The following MAGI2 variants were observed in gnomAD, a reference collection of about 807,000 sequenced individuals.
MAGI2 encodes membrane associated guanylate kinase, WW and PDZ domain containing 2.
Under a neutral mutation model 133.3 loss-of-function variants are expected in MAGI2, and 35 were observed. The ratio of observed to expected loss-of-function variants is 0.26; its 90% CI spans 0.20 to 0.35. The LOEUF is 0.35. MAGI2 is among the 10% of genes least tolerant of loss of function. The pLI is 1.00. For synonymous variants in MAGI2, 729 were observed against 710.6 expected (o/e 1.03, Z -0.41); for missense variants, 1,636 against 1,863.4 (o/e 0.88, Z 2.25).
At chr7:79,437,008 T>C (rs988823783) in intron 1 of MAGI2, among the ~76,000 whole-genome samples, 3 of 152,186 alleles carry the variant, frequency 2.0e-5, no homozygotes, top group African/African-American at 7.2e-5. Flanking sequence ...TGGATTACTA[T>C]GCAGCCATGA....
intron 1 of MAGI2, among the ~76,000 whole-genome samples, chr7:79,435,904 A>G (rs940150460): frequency 3.3e-5 from 5 of 152,196 alleles, no homozygotes; most frequent in African/African-American, 1.2e-4. Flanking sequence ...TGGATTTGCT[A>G]TGTGTCTAAA....
intron 1 of MAGI2, among the ~76,000 whole-genome samples, chr7:79,417,751 A>AC (rs34501732): frequency 0.076 from 6,632 of 87,334 alleles, 278 homozygotes; most frequent in East Asian, 0.2. Flanking sequence ...ACATATGCAC[A>AC]AAAAAAAAAA....
At chr7:78,408,377 T>C (rs549033170) in intron 6 of MAGI2, among the ~76,000 whole-genome samples, 1 of 152,180 alleles carries the variant, frequency 6.6e-6, no homozygotes, top group African/African-American at 2.4e-5. Flanking sequence ...TTGTAAGCTA[T>C]CTACTCATTG....
chr7:79,225,202 C>T (rs1830746426), intron 1 of MAGI2, among the ~76,000 whole-genome samples: 1 of 152,136 alleles, frequency 6.6e-6, no homozygotes. Context: ...TCTTATGATA[C>T]ATAAAATATA....
intron 2 of MAGI2, among the ~76,000 whole-genome samples, chr7:78,904,748 C>G (rs1241980586): frequency 2.6e-5 from 4 of 152,166 alleles, no homozygotes; most frequent in African/African-American, 9.7e-5. Context: ...AGCAATCCAC[C>G]TGCTTAGGCC....
intron 6 of MAGI2, among the ~76,000 whole-genome samples, chr7:78,449,493 T>A (rs537261966): frequency 2.6e-5 from 4 of 152,030 alleles, no homozygotes; most frequent in Non-Finnish European, 5.9e-5. Context: ...AATAAAACAA[T>A]TGGACTCAAT....
chr7:78,236,792 C>T (rs1563305660), intron 10 of MAGI2, among the ~76,000 whole-genome samples: 2 of 152,116 alleles, frequency 1.3e-5, no homozygotes, highest in African/African-American at 4.8e-5. Context: ...CTAATAAAGA[C>T]ATACCTGAGA....
chr7:78,231,313 T>A (rs926702370), intron 10 of MAGI2, among the ~76,000 whole-genome samples: 1 of 152,140 alleles, frequency 6.6e-6, no homozygotes, highest in African/African-American at 2.4e-5. Context: ...TATTCCTCCA[T>A]GGAGAGGAAT....
intron 1 of MAGI2, among the ~76,000 whole-genome samples, chr7:79,324,996 T>G (rs13306942): frequency 0.62 from 94,056 of 151,524 alleles, 30,484 homozygotes; most frequent in Non-Finnish European, 0.71. Context: ...CTTAAATATT[T>G]TCTTGTATCT....
At chr7:78,777,967 A>C (rs768822895) in intron 2 of MAGI2, among the ~76,000 whole-genome samples, 1 of 152,188 alleles carries the variant, frequency 6.6e-6, no homozygotes, top group Non-Finnish European at 1.5e-5. Flanking sequence ...TATGACTGAA[A>C]GGACCAAAGC....
chr7:78,489,902 A>AAG, intron 5 of MAGI2, 62 bp from the exon 6 acceptor site: 1 of 1,153,080 alleles, frequency 8.7e-7, no homozygotes, highest in South Asian at 1.4e-5. Context: ...TTTATTCCTT[A>AAG]AGAAAAAAAA....
chr7:78,773,730 G>T (rs1426461052), intron 2 of MAGI2, among the ~76,000 whole-genome samples: 1 of 152,182 alleles, frequency 6.6e-6, no homozygotes, highest in Non-Finnish European at 1.5e-5. Flanking sequence ...GGTAAGTAAA[G>T]GCAGGGGGTT....
chr7:79,136,003 G>GAAAGAAAGAAAGAAAGAAAGAGAAAGAA, intron 1 of MAGI2, among the ~76,000 whole-genome samples: 1 of 40,918 alleles, frequency 2.4e-5, no homozygotes, highest in South Asian at 7.9e-4. Flanking sequence ...AAGAAAGAAA[G>GAAAGAAAGAAAGAAAGAAAGAGAAAGAA]AGAAAGAAAG....
intron 2 of MAGI2, among the ~76,000 whole-genome samples, chr7:78,631,538 G>A (rs1809003035): frequency 6.6e-6 from 1 of 152,166 alleles, no homozygotes; most frequent in Non-Finnish European, 1.5e-5. Context: ...TTGAAAAAGG[G>A]AGGGAGAGAA....
intron 10 of MAGI2, among the ~76,000 whole-genome samples, chr7:78,209,130 G>A (rs1787452689): frequency 1.1e-5 from 1 of 93,486 alleles, no homozygotes. Flanking sequence ...GCTGAGGCAG[G>A]AGAATGGCGT....
intron 1 of MAGI2, among the ~76,000 whole-genome samples, chr7:79,331,948 A>T (rs993786813): frequency 1.0e-3 from 30 of 29,430 alleles, no homozygotes; most frequent in Non-Finnish European, 4.7e-3. Context: ...AAGTATAATA[A>T]AAAAAAAAAG....
intron 2 of MAGI2, among the ~76,000 whole-genome samples, chr7:78,847,151 A>G (rs1792691481): frequency 6.6e-6 from 1 of 152,076 alleles, no homozygotes; most frequent in African/African-American, 2.4e-5. Context: ...GAAGAATCAA[A>G]TAATAAAATC....
intron 21 of MAGI2, among the ~76,000 whole-genome samples, chr7:78,034,137 C>T (rs371695384): frequency 3.3e-5 from 5 of 152,152 alleles, no homozygotes; most frequent in Admixed American, 1.3e-4. Flanking sequence ...TAATGAATAT[C>T]GAACATCTAC....
At chr7:78,136,270 C>T (rs7785684) in intron 16 of MAGI2, among the ~76,000 whole-genome samples, 61 of 152,120 alleles carry the variant, frequency 4.0e-4, no homozygotes, top group Admixed American at 2.4e-3. Flanking sequence ...CAGGCGCCCG[C>T]GACCACGCCT....
Sources: gnomAD v4.1 joint callset for allele counts (sites outside exome capture counted in the v4.1 genomes callset) on GRCh38, gnomAD v4.1.1 for gene constraint, MANE v1.5 for transcripts, NCBI Gene and HGNC (gene_info 2026-07-23, HGNC 2026-07-21) for gene names.